SERGEF: variants seen among roughly 807,000 people sequenced by gnomAD.
SERGEF encodes the protein secretion-regulating guanine nucleotide exchange factor.
SERGEF carries 51 observed loss-of-function variants against 50.0 expected under a neutral mutation model. The ratio of observed to expected loss-of-function variants is 1.02; its 90% CI spans 0.81 to 1.29. SERGEF has a LOEUF of 1.29. Ranked by LOEUF, SERGEF falls within the 50% of genes most tolerant of loss-of-function variation. The probability of loss-of-function intolerance (pLI) is 0.00; values close to 1 mark genes in which losing one functional copy is unlikely to be tolerated. For synonymous variants in SERGEF, 205 were observed against 212.4 expected (o/e 0.97, Z 0.30); for missense variants, 521 against 557.0 (o/e 0.94, Z 0.65).
intron 10 of SERGEF, among the ~76,000 whole-genome samples, chr11:17,849,181 A>G (rs1331310740): frequency 6.6e-6 from 1 of 152,208 alleles, no homozygotes; most frequent in Non-Finnish European, 1.5e-5. Flanking sequence ...CTTATCATGT[A>G]TGCTCCCCTA....
intron 8 of SERGEF, among the ~76,000 whole-genome samples, chr11:17,983,745 G>GAA (rs10672775): frequency 0.016 from 2,304 of 140,660 alleles, 63 homozygotes; most frequent in African/African-American, 0.051. Context: ...TATGAGAACA[G>GAA]AAAAAAAAAA....
chr11:17,804,857 GT>G (rs560259383), intron 10 of SERGEF, among the ~76,000 whole-genome samples: 148 of 152,330 alleles, frequency 9.7e-4, no homozygotes, highest in Non-Finnish European at 1.5e-3. Context: ...TCCAGAAGGT[GT>G]TGCAGGGTTT....
At chr11:17,890,169 C>T (rs901380179) in intron 9 of SERGEF, among the ~76,000 whole-genome samples, 1 of 152,004 alleles carries the variant, frequency 6.6e-6, no homozygotes, top group Non-Finnish European at 1.5e-5. Flanking sequence ...CCTGGCTGGA[C>T]AGCTGTGGCC....
intron 10 of SERGEF, among the ~76,000 whole-genome samples, chr11:17,853,022 C>T (rs2133874015): frequency 6.6e-6 from 1 of 152,282 alleles, no homozygotes; most frequent in South Asian, 2.1e-4. Context: ...AGAGTAGTAG[C>T]ACGGAGTCTG....
At chr11:17,813,495 A>C (rs1548528) in intron 10 of SERGEF, among the ~76,000 whole-genome samples, 76,389 of 152,086 alleles carry the variant, frequency 0.5, 19,750 homozygotes, top group East Asian at 0.86. Context: ...CATTCCATTA[A>C]AATGAGAAGC....
At chr11:17,917,983 C>T (rs985181951) in intron 9 of SERGEF, among the ~76,000 whole-genome samples, 1 of 152,200 alleles carries the variant, frequency 6.6e-6, no homozygotes, top group African/African-American at 2.4e-5. Flanking sequence ...CTGTCCTTTA[C>T]ACAGATTACC....
At chr11:17,982,141 C>T (rs1853507752) in intron 8 of SERGEF, among the ~76,000 whole-genome samples, 1 of 152,142 alleles carries the variant, frequency 6.6e-6, no homozygotes, top group African/African-American at 2.4e-5. Context: ...ACTGTCATTC[C>T]TGGTTCAGGT....
At chr11:17,968,903 A>G (rs1456569652) in intron 8 of SERGEF, among the ~76,000 whole-genome samples, 1 of 152,122 alleles carries the variant, frequency 6.6e-6, no homozygotes, top group Non-Finnish European at 1.5e-5. Context: ...TCCAGCTCCC[A>G]TCTTCCTTTG....
At chr11:17,970,118 C>A (rs576996980) in intron 8 of SERGEF, among the ~76,000 whole-genome samples, 6 of 152,286 alleles carry the variant, frequency 3.9e-5, no homozygotes, top group Admixed American at 3.9e-4. Flanking sequence ...CAGATAACTG[C>A]GGTTTTTGTT....
intron 9 of SERGEF, among the ~76,000 whole-genome samples, chr11:17,902,449 A>G (rs111968000): frequency 6.2e-5 from 9 of 145,482 alleles, no homozygotes; most frequent in African/African-American, 2.2e-4. Flanking sequence ...AAGCATGTTC[A>G]AGAGAAAAAA....
At chr11:17,938,098 ACATATTGCTAGGAC>A (rs1249084152) in intron 9 of SERGEF, among the ~76,000 whole-genome samples, 2 of 152,124 alleles carry the variant, frequency 1.3e-5, no homozygotes, top group African/African-American at 4.8e-5. Flanking sequence ...TGTCCAGCAA[ACATATTGCTAGGAC>A]CTCTGCTACT....
chr11:17,879,958 A>G (rs1435378432), intron 9 of SERGEF, among the ~76,000 whole-genome samples: 1 of 152,228 alleles, frequency 6.6e-6, no homozygotes, highest in Non-Finnish European at 1.5e-5. Flanking sequence ...CCTAGTGAAA[A>G]CCACTTGGAA....
chr11:17,926,702 AC>A (rs1033219494), intron 9 of SERGEF: 2 of 455,062 alleles, frequency 4.4e-6, no homozygotes, highest in Non-Finnish European at 8.8e-6. Context: ...CTGAATCCCC[AC>A]CTAATAAACC....
At chr11:18,008,120 AC>A in intron 1 of SERGEF, 44 bp from the exon 2 acceptor site, 1 of 1,589,716 alleles carries the variant, frequency 6.3e-7, no homozygotes, top group Non-Finnish European at 8.6e-7. Context: ...GGGAACCACA[AC>A]TGTCAATGTC....
At chr11:17,868,448 T>C (rs1311069241) in intron 10 of SERGEF, among the ~76,000 whole-genome samples, 1 of 152,156 alleles carries the variant, frequency 6.6e-6, no homozygotes, top group African/African-American at 2.4e-5. Flanking sequence ...GTCCATATCA[T>C]TATCAGTATT....
intron 9 of SERGEF, among the ~76,000 whole-genome samples, chr11:17,896,950 A>T (rs1851658111): frequency 6.6e-6 from 1 of 151,252 alleles, no homozygotes; most frequent in Admixed American, 6.6e-5. Flanking sequence ...AGTCTTAAAA[A>T]GTCAAAGTAC....
At chr11:17,845,916 T>C (rs1355236792) in intron 10 of SERGEF, among the ~76,000 whole-genome samples, 1 of 152,226 alleles carries the variant, frequency 6.6e-6, no homozygotes, top group Admixed American at 6.5e-5. Context: ...GAACTATCTG[T>C]CTTGTTCTCC....
intron 9 of SERGEF, among the ~76,000 whole-genome samples, chr11:17,880,200 G>T (rs113892771): frequency 1.1e-4 from 16 of 152,196 alleles, no homozygotes; most frequent in Non-Finnish European, 1.9e-4. Flanking sequence ...TTTCCAGGTT[G>T]TTTAGTCTCT....
At chr11:17,807,337 AC>A (rs1554995932) in intron 10 of SERGEF, among the ~76,000 whole-genome samples, 4,328 of 22,258 alleles carry the variant, frequency 0.19, 88 homozygotes, top group Middle Eastern at 0.46. Flanking sequence ...CTCCCCCCCC[AC>A]AAAAAAAATT....
Sources: allele counts gnomAD v4.1 joint callset (sites outside exome capture counted in the v4.1 genomes callset), GRCh38; gene constraint gnomAD v4.1.1; transcripts MANE v1.5; gene names NCBI Gene and HGNC (gene_info 2026-07-23, HGNC 2026-07-21).